The following STK33 variants were observed in gnomAD, a reference collection of about 807,000 sequenced individuals.
STK33 encodes serine/threonine-protein kinase 33.
Under a neutral mutation model 58.0 loss-of-function variants are expected in STK33, and 52 were observed. The ratio of observed to expected loss-of-function variants is 0.90; its 90% CI spans 0.72 to 1.13. The LOEUF (loss-of-function observed/expected upper bound fraction) is 1.13, where lower values mean the gene tolerates loss of function less well. Ranked by LOEUF, STK33 falls within the 50% of genes most tolerant of loss-of-function variation. The pLI, the probability that STK33 is intolerant of heterozygous loss-of-function variation, is 0.00. For synonymous variants in STK33, 215 were observed against 200.1 expected (o/e 1.07, Z -0.63); for missense variants, 630 against 604.2 (o/e 1.04, Z -0.45).
chr11:8,507,726 AACTG>A lies in STK33; in HGVS notation c.-465-27116_-465-27113del, dbSNP rs755174752. 6.1e-4 allele frequency among the ~76,000 whole-genome samples: 93 copies of A among 152,296 alleles called. 1 individual carries two copies. The highest frequency in any genetic ancestry group is 3.4e-3 in the Middle Eastern group (1 of 294). On this transcript the variant is annotated intron_variant, in intron 1 of 15. Transcript: ENST00000687296. ...AAACAAGCCCCTACTTTTTAATACAAACTGACAACTGAGGCAAATATAATAATTC... is the reference window on the plus strand; with the variant it reads ...AAACAAGCCCCTACTTTTTAATACAAACAACTGAGGCAAATATAATAATTC...
intron 8 of STK33, among the ~76,000 whole-genome samples, chr11:8,458,370 T>G (rs928457815): frequency 9.2e-5 from 14 of 151,868 alleles, no homozygotes; most frequent in Non-Finnish European, 1.8e-4. Context: ...ATATTACTCT[T>G]TTACATTTTT....
the STK33 span, among the ~76,000 whole-genome samples, chr11:8,355,407 C>T: frequency 3.9e-5 from 6 of 152,324 alleles, no homozygotes; most frequent in East Asian, 1.9e-4. Flanking sequence ...TTAGTGGCTA[C>T]GGTACTGGAC....
chr11:8,380,632 T>C, the STK33 span, among the ~76,000 whole-genome samples: 3 of 151,420 alleles, frequency 2.0e-5, no homozygotes, highest in African/African-American at 7.3e-5. Flanking sequence ...GGAACAATTA[T>C]ACACTGCTGG....
intron 1 of STK33, among the ~76,000 whole-genome samples, chr11:8,513,427 A>G (rs1033697284): frequency 1.1e-4 from 17 of 152,194 alleles, no homozygotes; most frequent in Non-Finnish European, 1.6e-4. Context: ...ATAAGGCACT[A>G]TTCATGAATG....
At chr11:8,529,965 C>CA (rs1451099514) in intron 1 of STK33, among the ~76,000 whole-genome samples, 3 of 152,048 alleles carry the variant, frequency 2.0e-5, no homozygotes, top group Non-Finnish European at 2.9e-5. Context: ...TATATTCCCC[C>CA]AAAAAACAGA....
the STK33 span, among the ~76,000 whole-genome samples, chr11:8,353,225 C>T: frequency 2.6e-5 from 4 of 152,186 alleles, no homozygotes; most frequent in Non-Finnish European, 5.9e-5. Flanking sequence ...GGGCTCACAC[C>T]CTTCCTGGGT....
At chr11:8,453,013 G>C (rs549840649) in intron 10 of STK33, 107 bp from the exon 11 acceptor site, 47 of 981,792 alleles carry the variant, frequency 4.8e-5, no homozygotes, top group Non-Finnish European at 7.0e-5. Context: ...GGGGTTCTTG[G>C]GGGTGGGAGG....
chr11:8,344,124 G>C, the STK33 span, among the ~76,000 whole-genome samples: 1 of 152,072 alleles, frequency 6.6e-6, no homozygotes, highest in Admixed American at 6.6e-5. Context: ...GCCAAGGTGA[G>C]AGAATCGAGT....
At chr11:8,378,388 C>T in the STK33 span, among the ~76,000 whole-genome samples, 16,593 of 151,996 alleles carry the variant, frequency 0.11, 1,020 homozygotes, top group African/African-American at 0.15. Flanking sequence ...CATGGTGGTG[C>T]ATGCCTGTAA....
intron 1 of STK33, among the ~76,000 whole-genome samples, chr11:8,517,887 A>T (rs1473595281): frequency 1.3e-5 from 2 of 152,174 alleles, no homozygotes; most frequent in African/African-American, 4.8e-5. Context: ...AAGTGAAGGG[A>T]AGAATGGAAC....
At chr11:8,498,712 C>T (rs376142612) in intron 1 of STK33, among the ~76,000 whole-genome samples, 3 of 152,114 alleles carry the variant, frequency 2.0e-5, no homozygotes, top group Non-Finnish European at 4.4e-5. Context: ...CCAAAACAGC[C>T]TGGTACTGGT....
chr11:8,375,913 T>C, the STK33 span, among the ~76,000 whole-genome samples: 4,244 of 152,260 alleles, frequency 0.028, 123 homozygotes, highest in African/African-American at 0.071. Context: ...TCTCTGGCAG[T>C]TCTTTATAGT....
intron 8 of STK33, 151 bp from the exon 9 acceptor site, chr11:8,457,630 C>A: frequency 1.6e-6 from 1 of 641,756 alleles, no homozygotes; most frequent in Non-Finnish European, 2.4e-6. Flanking sequence ...ATACTGGATA[C>A]TAGAGAAACA....
At chr11:8,544,741 A>G (rs991935166) in intron 1 of STK33, among the ~76,000 whole-genome samples, 4 of 152,198 alleles carry the variant, frequency 2.6e-5, no homozygotes, top group Admixed American at 6.5e-5. Flanking sequence ...TAACTAAAAG[A>G]GACTTATTTT....
chr11:8,413,854 C>G (rs186878393), intron 14 of STK33, among the ~76,000 whole-genome samples, 162 bp from the exon 15 acceptor site: 1 of 152,162 alleles, frequency 6.6e-6, no homozygotes, highest in Non-Finnish European at 1.5e-5. Flanking sequence ...TGGAGTACAA[C>G]CCCTGTACTC....
At chr11:8,508,462 G>T (rs1433340821) in intron 1 of STK33, among the ~76,000 whole-genome samples, 1 of 151,650 alleles carries the variant, frequency 6.6e-6, no homozygotes, top group Non-Finnish European at 1.5e-5. Flanking sequence ...TGCAGTGATG[G>T]AGTCTCCCTA....
At chr11:8,436,453 C>T (rs1464563341) in intron 12 of STK33, among the ~76,000 whole-genome samples, 1 of 152,048 alleles carries the variant, frequency 6.6e-6, no homozygotes, top group African/African-American at 2.4e-5. Context: ...GGTTAAAATA[C>T]GGGAAGGTGA....
intron 15 of STK33, among the ~76,000 whole-genome samples, chr11:8,398,272 A>C (rs1219968252): frequency 6.6e-6 from 1 of 152,308 alleles, no homozygotes; most frequent in Admixed American, 6.5e-5. Context: ...CTCAGCAGAA[A>C]CTCTACAAGC....
At chr11:8,364,161 C>T in the STK33 span, among the ~76,000 whole-genome samples, 7 of 152,222 alleles carry the variant, frequency 4.6e-5, no homozygotes, top group African/African-American at 7.2e-5. Context: ...TATGTCAATA[C>T]GTTCGTCTTC....
Sources: allele counts gnomAD v4.1 joint callset (sites outside exome capture counted in the v4.1 genomes callset), GRCh38; gene constraint gnomAD v4.1.1; transcripts MANE v1.5; gene names NCBI Gene and HGNC (gene_info 2026-07-23, HGNC 2026-07-21).